SPDYA: variants seen among roughly 807,000 people sequenced by gnomAD.
The protein encoded by SPDYA is speedy protein A.
In SPDYA, 11 loss-of-function variants were observed where a neutral mutation model predicts 36.7. The ratio of observed to expected loss-of-function variants is 0.30; its 90% CI spans 0.19 to 0.50. The LOEUF (loss-of-function observed/expected upper bound fraction) is 0.50, where lower values mean the gene tolerates loss of function less well. SPDYA is among the 20% of genes least tolerant of loss of function. The pLI is 0.98. For missense variants in SPDYA, 287 were observed against 370.9 expected, an observed-to-expected ratio of 0.77 and a Z score of 1.86; for synonymous variants, 115 against 118.7, an observed-to-expected ratio of 0.97 and a Z score of 0.20.
intron 5 of SPDYA, 151 bp downstream of exon 5, chr2:28,822,561 TTA>T (rs1351425184): frequency 2.6e-6 from 1 of 386,230 alleles, no homozygotes; most frequent in African/African-American, 2.1e-5. Context: ...TAGGATATTT[TTA>T]TGTTTTTTTC....
intron 1 of SPDYA, among the ~76,000 whole-genome samples, chr2:28,812,728 G>C (rs545135931): frequency 6.6e-6 from 1 of 151,730 alleles, no homozygotes; most frequent in Non-Finnish European, 1.5e-5. Flanking sequence ...GTGGTGGCAG[G>C]CTCCTGTAAT....
chr2:28,829,073 A>G, intron 5 of SPDYA, 75 bp from the exon 6 acceptor site: 2 of 1,327,694 alleles, frequency 1.5e-6, no homozygotes, highest in Non-Finnish European at 2.1e-6. Context: ...AACCACTTTT[A>G]TGTCTTGGTG....
chr2:28,846,432 C>A (rs910315752), intron 7 of SPDYA, among the ~76,000 whole-genome samples: 1 of 151,830 alleles, frequency 6.6e-6, no homozygotes, highest in Admixed American at 6.6e-5. Flanking sequence ...AAAACATGAT[C>A]CAGTGTAGGT....
At position 28,840,312 on chromosome 2, in the gene SPDYA, T is replaced by C; in HGVS notation, c.693T>C (p.Cys231=). 1 of 1,611,598 alleles carries C rather than the reference T, an allele frequency of 6.2e-7. No individual in the cohort carries two copies. The highest frequency in any genetic ancestry group is 8.5e-7 in the Non-Finnish European group (1 of 1,179,014). ...PSATPVDCSL[C]GKKRRYVRLG... is the part of the protein sequence containing the mutation. Reference sequence around the variant, plus strand: ...CCACACCAGTAGATTGTTCACTCTGTGGTAAAAAAAGAAGATATGTTAGAC... The same window carrying C: ...CCACACCAGTAGATTGTTCACTCTGCGGTAAAAAAAGAAGATATGTTAGAC... The change falls in exon 7 of 8, where the codon TGT becomes TGC. Residue 231 remains cysteine, a synonymous_variant. Transcript: ENST00000334056.
chr2:28,828,423 A>G (rs1283624282), intron 5 of SPDYA, among the ~76,000 whole-genome samples: 1 of 152,056 alleles, frequency 6.6e-6, no homozygotes, highest in Non-Finnish European at 1.5e-5. Flanking sequence ...TGTATTTTTC[A>G]TTGTACACAT....
At chr2:28,827,970 TTTC>T (rs1346574235) in intron 5 of SPDYA, among the ~76,000 whole-genome samples, 2 of 151,998 alleles carry the variant, frequency 1.3e-5, no homozygotes, top group African/African-American at 4.8e-5. Context: ...GTGTTTATTT[TTTC>T]TTATTTTTTT....
intron 5 of SPDYA, among the ~76,000 whole-genome samples, chr2:28,823,742 TATA>T (rs1406613722): frequency 2.2e-5 from 2 of 88,930 alleles, no homozygotes; most frequent in Admixed American, 1.2e-4. Context: ...TATATATATA[TATA>T]AAATTTTTTT....
chr2:28,812,294 C>G (rs1471518459), intron 1 of SPDYA, among the ~76,000 whole-genome samples: 1 of 152,038 alleles, frequency 6.6e-6, no homozygotes, highest in Non-Finnish European at 1.5e-5. Flanking sequence ...CTTGCCTGTC[C>G]TGACTGAGTT....
intron 5 of SPDYA, among the ~76,000 whole-genome samples, chr2:28,824,696 G>A (rs984947220): frequency 6.8e-6 from 1 of 147,938 alleles, no homozygotes; most frequent in Non-Finnish European, 1.5e-5. Flanking sequence ...ACAGGCGCAT[G>A]CCACCACGCC....
chr2:28,819,517 T>A (rs964114163), intron 4 of SPDYA, among the ~76,000 whole-genome samples: 1 of 151,760 alleles, frequency 6.6e-6, no homozygotes, highest in African/African-American at 2.4e-5. Flanking sequence ...CTAAACAAAT[T>A]AATTAAATTT....
At chr2:28,812,280 C>T (rs959054497) in intron 1 of SPDYA, among the ~76,000 whole-genome samples, 1 of 152,106 alleles carries the variant, frequency 6.6e-6, no homozygotes, top group Non-Finnish European at 1.5e-5. Context: ...GAAGTTAAGG[C>T]TTACTTGCCT....
At chr2:28,823,980 C>A (rs1190628943) in intron 5 of SPDYA, among the ~76,000 whole-genome samples, 2 of 150,664 alleles carry the variant, frequency 1.3e-5, no homozygotes, top group African/African-American at 4.9e-5. Flanking sequence ...CTCCTGACCT[C>A]AAGTGATCCG....
At chr2:28,848,624 T>C (rs536732953) in intron 7 of SPDYA, among the ~76,000 whole-genome samples, 3 of 152,342 alleles carry the variant, frequency 2.0e-5, no homozygotes, top group Admixed American at 6.5e-5. Context: ...CTTTAAAATG[T>C]CCTACGTTCT....
At chr2:28,839,513 AT>A (rs1409727933) in intron 6 of SPDYA, among the ~76,000 whole-genome samples, 1 of 151,954 alleles carries the variant, frequency 6.6e-6, no homozygotes, top group Non-Finnish European at 1.5e-5. Flanking sequence ...TTTTACTTTT[AT>A]TTTTTGAGAC....
In SPDYA at chr2:28,850,070, T is replaced by G. The variant is rs1669006268; in HGVS notation, c.*129T>G. ...CATCTTTTAGTTGTTATTTTCAAAA[T>G]TATATGTATAAGTTATATAAGTCAT... On this transcript the variant is annotated 3_prime_UTR_variant, in exon 8 of 8. Coordinates refer to ENST00000334056, the MANE Select transcript of SPDYA (RefSeq NM_182756.4). 1.7e-6 allele frequency: 2 copies of G among 1,165,028 alleles called. No individual in the cohort carries two copies. The highest frequency in any genetic ancestry group is 2.5e-6 in the Non-Finnish European group (2 of 809,512). The allele number at this position is 1,165,028 out of a possible 1,614,324, so 72.2% of individuals were successfully genotyped here.
At chr2:28,814,922 C>A (rs939330937) in intron 2 of SPDYA, among the ~76,000 whole-genome samples, 9 of 152,080 alleles carry the variant, frequency 5.9e-5, no homozygotes, top group African/African-American at 2.2e-4. Context: ...TAGATTATGA[C>A]AACATACATT....
chr2:28,819,820 T>C lies in SPDYA; in HGVS notation c.294+714T>C, dbSNP rs1668086144. Among the ~76,000 whole-genome samples, 6 of 17,218 alleles carry C rather than the reference T, an allele frequency of 3.5e-4. No homozygotes were observed. The South Asian group carries it at 0.028, about 80-fold the overall frequency. 11.3% of individuals were successfully genotyped at this position (17,218 alleles called of 152,430 possible). A position where few individuals can be genotyped will look rare whatever the true frequency, so the allele number is the denominator to read the frequency against. ...GGCAACATAGGGAGACCTGGTCTCT[T>C]AAAAAAAAAAAAAAAAAAAAAAAAA... On this transcript the variant is annotated intron_variant, in intron 4 of 7. Coordinates refer to ENST00000334056, the MANE Select transcript of SPDYA (RefSeq NM_182756.4).
At chr2:28,813,645 G>A (rs905890992) in intron 1 of SPDYA, among the ~76,000 whole-genome samples, 7 of 151,282 alleles carry the variant, frequency 4.6e-5, no homozygotes, top group East Asian at 1.9e-4. Context: ...TCCGCCTCCC[G>A]GGTTCAAGCA....
chr2:28,843,954 TAG>T (rs1406298112), intron 7 of SPDYA, among the ~76,000 whole-genome samples: 2 of 152,138 alleles, frequency 1.3e-5, no homozygotes, highest in African/African-American at 4.8e-5. Flanking sequence ...CATGAGATTT[TAG>T]AGTGAAGCCA....
Sources: gnomAD v4.1 joint callset for allele counts (sites outside exome capture counted in the v4.1 genomes callset) on GRCh38, gnomAD v4.1.1 for gene constraint, MANE v1.5 for transcripts, NCBI Gene and HGNC (gene_info 2026-07-23, HGNC 2026-07-21) for gene names.